TCERG1: variants seen among roughly 807,000 people sequenced by gnomAD.
The protein encoded by TCERG1 is TATA box binding protein (TBP)-associated factor, RNA polymerase II, S, 150kD.
In TCERG1, 37 loss-of-function variants were observed where a neutral mutation model predicts 144.7. That is an observed-to-expected ratio of 0.26 (90% confidence interval 0.20 to 0.34). The LOEUF (loss-of-function observed/expected upper bound fraction) is 0.34, where lower values mean the gene tolerates loss of function less well. Ranked by LOEUF, TCERG1 falls within the 10% of genes least tolerant of loss-of-function variation. The probability of loss-of-function intolerance (pLI) is 1.00; values close to 1 mark genes in which losing one functional copy is unlikely to be tolerated. For missense variants in TCERG1, 1,027 were observed against 1,380.7 expected (o/e 0.74, Z 4.06); for synonymous variants, 492 against 458.2 (o/e 1.07, Z -0.94).
At chr5:146,471,707 T>C in intron 9 of TCERG1, 131 bp downstream of exon 9, 1 of 594,030 alleles carries the variant, frequency 1.7e-6, no homozygotes, top group South Asian at 2.5e-5. Context: ...CAAGCGATTC[T>C]CCTGCCTCAG....
intron 9 of TCERG1, among the ~76,000 whole-genome samples, chr5:146,475,269 C>T (rs936156829): frequency 1.3e-5 from 2 of 152,168 alleles, no homozygotes; most frequent in South Asian, 2.1e-4. Context: ...GACAGGCAAG[C>T]AGGTCTAGAA....
intron 6 of TCERG1, among the ~76,000 whole-genome samples, chr5:146,468,807 A>G (rs2150372459): frequency 6.6e-6 from 1 of 152,264 alleles, no homozygotes; most frequent in South Asian, 2.1e-4. Flanking sequence ...TGTGTATAGT[A>G]TACATTTACA....
At chr5:146,463,979 T>C (rs1561647543) in intron 5 of TCERG1, among the ~76,000 whole-genome samples, 186 bp downstream of exon 5, 2 of 152,198 alleles carry the variant, frequency 1.3e-5, no homozygotes, top group African/African-American at 4.8e-5. Flanking sequence ...TTTGTTGTTG[T>C]TTACATGTCC....
At chr5:146,501,314 TTATGCAGCTGTCAGGCAATTG>T (rs1464846681) in intron 17 of TCERG1, among the ~76,000 whole-genome samples, 1 of 150,490 alleles carries the variant, frequency 6.6e-6, no homozygotes, top group East Asian at 2.1e-4. Flanking sequence ...TTTTTGACAT[TTATGCAGCTGTCAGGCAATTG>T]TTCTCATACT....
At chr5:146,465,511 A>G (rs1386753969) in intron 5 of TCERG1, among the ~76,000 whole-genome samples, 2 of 152,172 alleles carry the variant, frequency 1.3e-5, no homozygotes, top group African/African-American at 2.4e-5. Context: ...AAATATGATG[A>G]CATATTTTGA....
At chr5:146,484,105 G>A (rs1028533099) in intron 15 of TCERG1, among the ~76,000 whole-genome samples, 11 of 152,122 alleles carry the variant, frequency 7.2e-5, no homozygotes, top group Non-Finnish European at 1.5e-4. Context: ...ATATATATGT[G>A]TGTGTGTGTC....
At chr5:146,499,760 G>A (rs1767262790) in intron 17 of TCERG1, 2 of 152,134 alleles carry the variant, frequency 1.3e-5, no homozygotes, top group African/African-American at 4.8e-5. Context: ...ATTTGCATTT[G>A]TAACTGATTT....
intron 1 of TCERG1, among the ~76,000 whole-genome samples, chr5:146,453,920 A>G (rs1309049068): frequency 6.6e-6 from 1 of 151,760 alleles, no homozygotes; most frequent in African/African-American, 2.4e-5. Flanking sequence ...CCTTCCGGCC[A>G]GGCGCTGTGG....
chr5:146,490,112 T>G (rs956133326), intron 15 of TCERG1, among the ~76,000 whole-genome samples: 2 of 152,210 alleles, frequency 1.3e-5, no homozygotes, highest in Non-Finnish European at 1.5e-5. Context: ...TCTCCCTCTC[T>G]TCAGCATGCA....
At chr5:146,485,002 C>A (rs987223394) in intron 15 of TCERG1, among the ~76,000 whole-genome samples, 2 of 152,166 alleles carry the variant, frequency 1.3e-5, no homozygotes, top group African/African-American at 4.8e-5. Context: ...AGTCACTGTT[C>A]CCTTGCTTAA....
chr5:146,506,761 G>T (rs999136434), intron 19 of TCERG1, among the ~76,000 whole-genome samples: 2 of 152,126 alleles, frequency 1.3e-5, no homozygotes, highest in African/African-American at 4.8e-5. Flanking sequence ...TGCAGTATTT[G>T]TGTTTCTGTG....
At chr5:146,499,484 AC>A (rs1181697253) in intron 17 of TCERG1, 6 of 152,226 alleles carry the variant, frequency 3.9e-5, no homozygotes, top group African/African-American at 1.4e-4. Context: ...TATCAGAAAT[AC>A]CTGAAACCTC....
In TCERG1 at chr5:146,455,293, A is replaced by C; in HGVS notation, c.285+12A>C. 1 of 1,612,874 alleles carries C rather than the reference A, an allele frequency of 6.2e-7. No homozygotes were observed. Among genetic ancestry groups the C allele is most frequent in the Non-Finnish European group, 8.5e-7 (1 of 1,179,112 alleles). On this transcript the variant is annotated intron_variant, in intron 2 of 22. Transcript: ENST00000679501. ...CTCCACACCTCCAGGTAAAGAATGT[A>C]GAGGTTGCCATTTCTTTGTTGGCAT... is the stretch of plus-strand genomic sequence containing the variant.
At chr5:146,486,296 C>G (rs974381141) in intron 15 of TCERG1, among the ~76,000 whole-genome samples, 2 of 152,062 alleles carry the variant, frequency 1.3e-5, no homozygotes, top group African/African-American at 4.8e-5. Context: ...TTTGTAGATT[C>G]GTGTACATTC....
intron 9 of TCERG1, among the ~76,000 whole-genome samples, chr5:146,474,505 T>G (rs1764645555): frequency 6.6e-6 from 1 of 152,188 alleles, no homozygotes; most frequent in South Asian, 2.1e-4. Flanking sequence ...CAGCAGGGCT[T>G]CCATTTTGAT....
intron 5 of TCERG1, among the ~76,000 whole-genome samples, chr5:146,464,872 CTTTT>C (rs1206981061): frequency 6.6e-6 from 1 of 152,010 alleles, no homozygotes; most frequent in Non-Finnish European, 1.5e-5. Flanking sequence ...CACTGGTTGT[CTTTT>C]TCTTTGTGAC....
intron 15 of TCERG1, among the ~76,000 whole-genome samples, chr5:146,492,047 A>G (rs1472809062): frequency 2.0e-5 from 3 of 152,194 alleles, no homozygotes. Flanking sequence ...TGGAATAGTC[A>G]CTTGCCTTTT....
At chr5:146,478,406 C>T in intron 9 of TCERG1, 87 bp from the exon 10 acceptor site, 1 of 1,352,418 alleles carries the variant, frequency 7.4e-7, no homozygotes, top group Non-Finnish European at 9.8e-7. Flanking sequence ...GTACCCTCAT[C>T]TCCCTACTTG....
intron 18 of TCERG1, 70 bp from the exon 19 acceptor site, chr5:146,503,753 AG>A: frequency 6.7e-7 from 1 of 1,498,062 alleles, no homozygotes. Context: ...TTATTTGGCA[AG>A]CTAGTTATTC....
Sources: allele counts gnomAD v4.1 joint callset (sites outside exome capture counted in the v4.1 genomes callset), GRCh38; gene constraint gnomAD v4.1.1; transcripts MANE v1.5; gene names NCBI Gene and HGNC (gene_info 2026-07-23, HGNC 2026-07-21).